Variants in HMGCLL1 observed in about 807,000 individuals in gnomAD.
HMGCLL1 encodes 3-hydroxy-3-methylglutaryl-CoA lyase like 1.
A neutral mutation model predicts 39.1 loss-of-function variants in HMGCLL1; 36 were observed. The observed-to-expected ratio is 0.92, with a 90% CI of 0.71 to 1.22. The LOEUF is 1.22. HMGCLL1 is among the 50% of genes most tolerant of loss of function. HMGCLL1 has a pLI of 0.00. For missense variants in HMGCLL1, 451 were observed against 416.5 expected, an observed-to-expected ratio of 1.08 and a Z score of -0.72; for synonymous variants, 149 against 144.0, an observed-to-expected ratio of 1.03 and a Z score of -0.25.
At chr6:55,667,470 A>C in the HMGCLL1 span, among the ~76,000 whole-genome samples, 1 of 151,776 alleles carries the variant, frequency 6.6e-6, no homozygotes, top group Non-Finnish European at 1.5e-5. Context: ...GATGCAGAGA[A>C]GCTAAGTAAT....
chr6:55,596,674 G>A, the HMGCLL1 span, among the ~76,000 whole-genome samples: 30 of 152,264 alleles, frequency 2.0e-4, no homozygotes, highest in African/African-American at 7.0e-4. Flanking sequence ...TAGATTAGCA[G>A]TTTAAAATCT....
chr6:55,640,336 G>T, the HMGCLL1 span, among the ~76,000 whole-genome samples: 14 of 152,032 alleles, frequency 9.2e-5, no homozygotes, highest in Non-Finnish European at 2.1e-4. Flanking sequence ...TGAAAATTAT[G>T]CCCAAAACTA....
rs139724601 is a variant in HMGCLL1, at chr6:55,461,388, T to C, written c.796-21829A>G. ...TCACATTGTAATTCTCCAAGTAAAA[T>C]AATACTATGTCCACCAAATACTATT... On this transcript the variant is annotated intron_variant, in intron 7 of 8. Coordinates refer to ENST00000274901, the MANE Select transcript of HMGCLL1 (RefSeq NM_001042406.2). 7.2e-3 allele frequency among the ~76,000 whole-genome samples: 1,101 copies of C among 152,016 alleles called. 8 individuals carry two copies. The highest frequency in any genetic ancestry group is 0.019 in the African/African-American group (791 of 41,516).
chr6:55,643,263 G>T, the HMGCLL1 span, among the ~76,000 whole-genome samples: 1 of 152,052 alleles, frequency 6.6e-6, no homozygotes, highest in Non-Finnish European at 1.5e-5. Flanking sequence ...CACCAATAGT[G>T]TGTAAGTGTC....
chr6:55,477,225 ATAATATATATTAT>A (rs1765382441), intron 7 of HMGCLL1, among the ~76,000 whole-genome samples: 1 of 23,060 alleles, frequency 4.3e-5, no homozygotes, highest in Admixed American at 8.7e-4. Flanking sequence ...ATTATAATAT[ATAATATATATTAT>A]ATTTATATAA....
chr6:55,552,202 C>T (rs1289220001), intron 1 of HMGCLL1, among the ~76,000 whole-genome samples: 2 of 151,926 alleles, frequency 1.3e-5, no homozygotes, highest in East Asian at 1.9e-4. Context: ...TAGACAACCC[C>T]GTAGTGATCT....
At chr6:55,523,329 C>A (rs982310067) in intron 3 of HMGCLL1, among the ~76,000 whole-genome samples, 1 of 151,922 alleles carries the variant, frequency 6.6e-6, no homozygotes, top group East Asian at 1.9e-4. Flanking sequence ...TCATGATATT[C>A]GGGAAGGACA....
At position 55,565,075 on chromosome 6, in the gene HMGCLL1, T is replaced by C. The variant is rs549060718; in HGVS notation, c.108+13873A>G. On this transcript the variant is annotated intron_variant, in intron 1 of 8. Coordinates refer to ENST00000274901, the MANE Select transcript of HMGCLL1 (RefSeq NM_001042406.2). ...TTAATATATTAAAAGAAAAAAGTTA[T>C]CTTCCAATGAGTACTAGATAAATAA... 2.0e-5 allele frequency among the ~76,000 whole-genome samples: 3 copies of C among 152,192 alleles called. No individual in the cohort carries two copies. In the South Asian group the frequency reaches 6.2e-4, roughly 31 times the overall value.
chr6:55,569,667 G>A (rs78607834), intron 1 of HMGCLL1, among the ~76,000 whole-genome samples: 3,761 of 152,248 alleles, frequency 0.025, 81 homozygotes, highest in Admixed American at 0.038. Context: ...CATATTGAGC[G>A]TTCAGTAGTG....
intron 5 of HMGCLL1, among the ~76,000 whole-genome samples, chr6:55,505,114 A>G (rs533305747): frequency 6.6e-6 from 1 of 151,758 alleles, no homozygotes; most frequent in East Asian, 1.9e-4. Flanking sequence ...AACATGATAT[A>G]AAAGAAGACG....
chr6:55,473,388 A>T (rs1228522266), intron 7 of HMGCLL1, among the ~76,000 whole-genome samples: 2 of 151,370 alleles, frequency 1.3e-5, no homozygotes, highest in African/African-American at 4.8e-5. Context: ...ATCTCCTAGC[A>T]TATCATTTAT....
At chr6:55,642,492 A>G in the HMGCLL1 span, among the ~76,000 whole-genome samples, 12 of 152,234 alleles carry the variant, frequency 7.9e-5, no homozygotes, top group Admixed American at 2.6e-4. Context: ...ATAGGCATAT[A>G]TATTTATGAG....
intron 7 of HMGCLL1, among the ~76,000 whole-genome samples, chr6:55,442,417 C>T (rs1313299117): frequency 6.6e-6 from 1 of 152,076 alleles, no homozygotes; most frequent in African/African-American, 2.4e-5. Context: ...TCTTTTGTTG[C>T]TCAAACTGTT....
chr6:55,547,511 T>C (rs953887953), intron 1 of HMGCLL1, among the ~76,000 whole-genome samples: 2 of 152,048 alleles, frequency 1.3e-5, no homozygotes, highest in African/African-American at 4.8e-5. Flanking sequence ...TATTTGCTTA[T>C]GTTTCATGCA....
At chr6:55,464,111 G>A (rs1226802005) in intron 7 of HMGCLL1, among the ~76,000 whole-genome samples, 2 of 152,124 alleles carry the variant, frequency 1.3e-5, no homozygotes, top group African/African-American at 2.4e-5. Context: ...AAGGACAATA[G>A]CTGTGAATAA....
the HMGCLL1 span, among the ~76,000 whole-genome samples, chr6:55,676,096 C>T: frequency 5.3e-5 from 8 of 152,190 alleles, no homozygotes; most frequent in South Asian, 1.2e-3. Flanking sequence ...TGAGAAAGCA[C>T]ACTACATATT....
intron 7 of HMGCLL1, 43 bp from the exon 8 acceptor site, chr6:55,439,602 C>T (rs767857975): frequency 6.3e-7 from 1 of 1,587,096 alleles, no homozygotes; most frequent in Admixed American, 1.7e-5. Flanking sequence ...GTGTTTATGG[C>T]ATGTAAATTG....
chr6:55,650,122 T>TACACACAC, the HMGCLL1 span, among the ~76,000 whole-genome samples: 1 of 78,656 alleles, frequency 1.3e-5, no homozygotes, highest in Non-Finnish European at 2.3e-5. Context: ...TATATATATA[T>TACACACAC]ATATATATAT....
chr6:55,672,552 T>C, the HMGCLL1 span, among the ~76,000 whole-genome samples: 1 of 151,820 alleles, frequency 6.6e-6, no homozygotes, highest in African/African-American at 2.4e-5. Context: ...AAGAATCCTG[T>C]TTGTTTCCAG....
Sources: gnomAD v4.1 joint callset for allele counts (sites outside exome capture counted in the v4.1 genomes callset) on GRCh38, gnomAD v4.1.1 for gene constraint, MANE v1.5 for transcripts, NCBI Gene and HGNC (gene_info 2026-07-23, HGNC 2026-07-21) for gene names.